Variants in DPY19L3 observed in about 807,000 individuals in gnomAD.
DPY19L3 encodes protein C-mannosyl-transferase DPY19L3.
Under a neutral mutation model 92.3 loss-of-function variants are expected in DPY19L3, and 51 were observed. The ratio of observed to expected loss-of-function variants is 0.55; its 90% CI spans 0.44 to 0.70. The LOEUF (loss-of-function observed/expected upper bound fraction) is 0.70. Among genes scored for constraint, DPY19L3 ranks in the 30% least tolerant of loss-of-function variants. DPY19L3 has a pLI of 0.00. For missense variants in DPY19L3, 706 were observed against 855.9 expected (o/e 0.82, Z 2.18); for synonymous variants, 309 against 315.2 (o/e 0.98, Z 0.21).
In DPY19L3 at chr19:32,480,498, G is replaced by A. The variant is rs1464307499; in HGVS notation, c.1930G>A (p.Glu644Lys). ...YVILEDSICY[E>K]RRHRRGCRLR... Reference sequence around the variant, plus strand: ...AATCCTGGAAGACAGCATCTGCTACGAGCGGAGGCACCGCCGGGGCTGCCG... The same window carrying A: ...AATCCTGGAAGACAGCATCTGCTACAAGCGGAGGCACCGCCGGGGCTGCCG... Residue 644 changes from glutamate (E) to lysine (K), a missense_variant, in exon 18 of 19, where the codon GAG becomes AAG. Physicochemically the swap from Glu to Lys is moderately conservative, Grantham distance 56. Coordinates refer to ENST00000392250, the MANE Select transcript of DPY19L3 (RefSeq NM_001172774.2). 8 of 1,614,056 alleles carry A rather than the reference G, an allele frequency of 5.0e-6. No individual in the cohort carries two copies. The highest frequency in any genetic ancestry group is 1.7e-5 in the Admixed American group (1 of 60,000).
At position 32,419,056 on chromosome 19, in the gene DPY19L3, A is replaced by G. The variant is rs527719926; in HGVS notation, c.237+7684A>G. 7.1e-4 allele frequency among the ~76,000 whole-genome samples: 108 copies of G among 152,130 alleles called. 1 individual carries two copies. In the South Asian group the frequency reaches 0.019, roughly 27 times the overall value. On this transcript the variant is annotated intron_variant, in intron 3 of 18. Transcript: ENST00000392250. ...TTCATTGTATTATATTTCCCTTGCT[A>G]GGAAATTGAAAGTATTCAAGATTTT... is the stretch of plus-strand genomic sequence containing the variant.
chr19:32,420,587 T>G (rs1365071494), intron 3 of DPY19L3, among the ~76,000 whole-genome samples: 1 of 151,874 alleles, frequency 6.6e-6, no homozygotes, highest in African/African-American at 2.4e-5. Flanking sequence ...GTAGCTGGGA[T>G]TATAGGTGCG....
At chr19:32,425,755 C>T (rs553733101) in intron 3 of DPY19L3, among the ~76,000 whole-genome samples, 1 of 151,942 alleles carries the variant, frequency 6.6e-6, no homozygotes, top group East Asian at 1.9e-4. Context: ...ATCGTGCTGT[C>T]AACACATGGG....
Position 32,482,428 on chromosome 19 carries a change from TTG to T in DPY19L3, c.*194_*195del. On this transcript the variant is annotated 3_prime_UTR_variant, in exon 19 of 19. Transcript: ENST00000392250. ...CTTCTACAAGCAGAAGTCTTTTTCG[TTG>T]TGTGTCTATCTTTCTCATTAATGTT... The T allele has an allele frequency of 3.2e-6, 2 of 625,604 alleles. No individual in the cohort carries two copies. The allele number at this position is 625,604 out of a possible 1,614,324, so 38.8% of individuals were successfully genotyped here.
chr19:32,466,688 A>T (rs2145607901), intron 15 of DPY19L3, among the ~76,000 whole-genome samples: 1 of 152,380 alleles, frequency 6.6e-6, no homozygotes, highest in East Asian at 1.9e-4. Context: ...ATCCTGTTGC[A>T]GGTTTTCCCT....
chr19:32,449,473 T>TG (rs1215431505), intron 8 of DPY19L3, among the ~76,000 whole-genome samples: 3 of 152,010 alleles, frequency 2.0e-5, no homozygotes, highest in African/African-American at 4.8e-5. Flanking sequence ...ACAACAATCT[T>TG]GAAAAAGAAG....
At chr19:32,441,687 A>G (rs955025993) in intron 8 of DPY19L3, among the ~76,000 whole-genome samples, 36 of 152,134 alleles carry the variant, frequency 2.4e-4, no homozygotes, top group Non-Finnish European at 4.6e-4. Flanking sequence ...TAGTAGAGAC[A>G]GGGTTTTGCC....
chr19:32,476,980 T>G (rs1970531043), intron 16 of DPY19L3, among the ~76,000 whole-genome samples: 1 of 152,174 alleles, frequency 6.6e-6, no homozygotes, highest in South Asian at 2.1e-4. Flanking sequence ...AACTGACTCA[T>G]GATCACCTGC....
At chr19:32,411,630 C>G in intron 3 of DPY19L3, 2 of 420,184 alleles carry the variant, frequency 4.8e-6, no homozygotes, top group Middle Eastern at 6.3e-4. Flanking sequence ...TGCGGTGGCG[C>G]AATCTTGGCT....
chr19:32,474,253 TTC>T (rs1193286035), intron 16 of DPY19L3, among the ~76,000 whole-genome samples: 3 of 152,258 alleles, frequency 2.0e-5, no homozygotes, highest in Non-Finnish European at 4.4e-5. Flanking sequence ...CTTTTAAACT[TTC>T]TGACTTTTTG....
rs1969246251 is a variant in DPY19L3 at position 32,439,220 on chromosome 19, AC to A, written c.706del (p.Gln236SerfsTer7). The A allele has an allele frequency of 6.2e-7, 1 of 1,612,816 alleles. No individual in the cohort carries two copies. Among genetic ancestry groups the A allele is most frequent in the Non-Finnish European group, 8.5e-7 (1 of 1,179,440 alleles). ...TTACATATTTCCTGAGACCAAACTT[AC>A]AGCCTCTTTCTGAAGTAAGTGTTTA... ...AITYFLRPNL[Q>X]PLSERLTLLA... On this transcript the variant is annotated frameshift_variant, in exon 7 of 19. Coordinates refer to ENST00000392250, the MANE Select transcript of DPY19L3 (RefSeq NM_001172774.2). LOFTEE classifies it high-confidence loss of function.
intron 1 of DPY19L3, among the ~76,000 whole-genome samples, chr19:32,406,459 A>G (rs921499370): frequency 2.6e-5 from 4 of 152,024 alleles, no homozygotes; most frequent in African/African-American, 9.7e-5. Context: ...TCTTGGGCTC[A>G]AGCGATTCTC....
chr19:32,420,209 G>A (rs916970446), intron 3 of DPY19L3, among the ~76,000 whole-genome samples: 6 of 152,010 alleles, frequency 3.9e-5, no homozygotes, highest in African/African-American at 7.3e-5. Flanking sequence ...TGCCTGGCAC[G>A]TCATCAGTGC....
chr19:32,440,758 A>T (rs1969296512), intron 8 of DPY19L3, among the ~76,000 whole-genome samples: 1 of 152,232 alleles, frequency 6.6e-6, no homozygotes, highest in South Asian at 2.1e-4. Context: ...AGCTTGGGAA[A>T]CAAAGATCAC....
At chr19:32,406,198 C>G (rs1967938692) in intron 1 of DPY19L3, 1 of 152,136 alleles carries the variant, frequency 6.6e-6, no homozygotes, top group African/African-American at 2.4e-5. Flanking sequence ...GGCGGCCGCT[C>G]GCGGTCTTGG....
chr19:32,417,386 C>T (rs1481924020), intron 3 of DPY19L3, among the ~76,000 whole-genome samples: 1 of 152,248 alleles, frequency 6.6e-6, no homozygotes, highest in Non-Finnish European at 1.5e-5. Flanking sequence ...GTGGCACGAT[C>T]TCAGCTCACT....
intron 12 of DPY19L3, among the ~76,000 whole-genome samples, chr19:32,463,109 T>C (rs1970091856): frequency 6.6e-6 from 1 of 152,154 alleles, no homozygotes; most frequent in South Asian, 2.1e-4. Context: ...CTCTTTTAAT[T>C]TAAAGAATTG....
chr19:32,467,936 G>A lies in DPY19L3; in HGVS notation c.1615-795G>A, dbSNP rs1343542097. ...CAAGTTGACCAGGAGGCACCAAGTGGTATAAATACAGCCAGATGTACCAGA... is the reference window on the plus strand; with the variant it reads ...CAAGTTGACCAGGAGGCACCAAGTGATATAAATACAGCCAGATGTACCAGA... On this transcript the variant is annotated intron_variant, in intron 15 of 18. Transcript: ENST00000392250. 12 of 985,226 alleles carry A rather than the reference G, an allele frequency of 1.2e-5. No homozygotes were observed. In the South Asian group the frequency reaches 5.6e-4, roughly 46 times the overall value. 61.0% of individuals were successfully genotyped at this position (985,226 alleles called of 1,614,324 possible). A position where few individuals can be genotyped will look rare whatever the true frequency, so the allele number is the denominator to read the frequency against.
chr19:32,410,891 G>A (rs1000168694), intron 2 of DPY19L3, among the ~76,000 whole-genome samples: 5 of 152,190 alleles, frequency 3.3e-5, no homozygotes, highest in Non-Finnish European at 5.9e-5. Flanking sequence ...TCCTAGACAC[G>A]TAACACATTT....
Sources: allele counts gnomAD v4.1 joint callset (sites outside exome capture counted in the v4.1 genomes callset), GRCh38; gene constraint gnomAD v4.1.1; transcripts MANE v1.5; gene names NCBI Gene and HGNC (gene_info 2026-07-23, HGNC 2026-07-21).